Variants in DOK6 observed in about 807,000 individuals in gnomAD.
DOK6 encodes the protein downstream of tyrosine kinase 6.
DOK6 carries 22 observed loss-of-function variants against 44.0 expected under a neutral mutation model. The observed-to-expected ratio is 0.50, with a 90% confidence interval of 0.36 to 0.71. The LOEUF (loss-of-function observed/expected upper bound fraction) is 0.71. Ranked by LOEUF, DOK6 falls within the 30% of genes least tolerant of loss-of-function variation. The probability of loss-of-function intolerance (pLI) is 0.00; values close to 1 mark genes in which losing one functional copy is unlikely to be tolerated. For synonymous variants in DOK6, 166 were observed against 145.5 expected, an observed-to-expected ratio of 1.14 and a Z score of -1.01; for missense variants, 340 against 416.4, an observed-to-expected ratio of 0.82 and a Z score of 1.60.
At chr18:69,555,219 A>G (rs1982658443) in intron 1 of DOK6, among the ~76,000 whole-genome samples, 1 of 152,130 alleles carries the variant, frequency 6.6e-6, no homozygotes, top group South Asian at 2.1e-4. Context: ...ATTTTCTTCA[A>G]AAAGCTTTAA....
chr18:69,570,713 G>A (rs1983093764), intron 2 of DOK6, among the ~76,000 whole-genome samples: 2 of 152,102 alleles, frequency 1.3e-5, no homozygotes, highest in African/African-American at 4.8e-5. Context: ...TCAGTGATTT[G>A]GAGGGCAGTG....
chr18:69,597,641 A>G (rs1177375818), intron 2 of DOK6, among the ~76,000 whole-genome samples: 1 of 152,226 alleles, frequency 6.6e-6, no homozygotes, highest in Non-Finnish European at 1.5e-5. Flanking sequence ...CCATGGCTCT[A>G]CGCAGAGCAT....
intron 5 of DOK6, chr18:69,704,928 C>T (rs1046093872): frequency 6.6e-6 from 1 of 150,512 alleles, no homozygotes; most frequent in Non-Finnish European, 1.5e-5. Flanking sequence ...GTTTGGGAGG[C>T]AAGCAGGCAA....
intron 1 of DOK6, among the ~76,000 whole-genome samples, chr18:69,413,340 T>C (rs1978314037): frequency 6.6e-6 from 1 of 152,078 alleles, no homozygotes; most frequent in Non-Finnish European, 1.5e-5. Flanking sequence ...ACTCCTAGCT[T>C]GGACATTAGA....
At chr18:69,773,998 G>A (rs1979966025) in intron 7 of DOK6, among the ~76,000 whole-genome samples, 1 of 149,786 alleles carries the variant, frequency 6.7e-6, no homozygotes, top group African/African-American at 2.4e-5. Flanking sequence ...ATAATTGAAT[G>A]TGGAACTAAC....
At chr18:69,579,254 A>T (rs529105052) in intron 2 of DOK6, among the ~76,000 whole-genome samples, 79 of 152,336 alleles carry the variant, frequency 5.2e-4, no homozygotes, top group African/African-American at 1.8e-3. Flanking sequence ...GGAAGTGGAG[A>T]GAGGAAGAGA....
At chr18:69,773,418 T>A (rs1214436768) in intron 7 of DOK6, among the ~76,000 whole-genome samples, 1 of 151,928 alleles carries the variant, frequency 6.6e-6, no homozygotes, top group Non-Finnish European at 1.5e-5. Flanking sequence ...GTATTCACAA[T>A]AGCCAAGATA....
At chr18:69,741,245 A>G (rs1391889671) in intron 6 of DOK6, among the ~76,000 whole-genome samples, 1 of 152,218 alleles carries the variant, frequency 6.6e-6, no homozygotes, top group Non-Finnish European at 1.5e-5. Context: ...CTTGGCCCAT[A>G]CATGTCAATA....
At chr18:69,780,182 G>A (rs2052064934) in intron 7 of DOK6, among the ~76,000 whole-genome samples, 1 of 152,062 alleles carries the variant, frequency 6.6e-6, no homozygotes, top group Admixed American at 6.6e-5. Flanking sequence ...CGTATTTTTG[G>A]TGCTTCTTAT....
At chr18:69,743,828 A>G (rs74353742) in intron 6 of DOK6, among the ~76,000 whole-genome samples, 1 of 31,934 alleles carries the variant, frequency 3.1e-5, no homozygotes, top group East Asian at 2.0e-3. Context: ...ATTAAAAAAA[A>G]AAAAAAAACA....
At chr18:69,516,422 C>G (rs2144560863) in intron 1 of DOK6, among the ~76,000 whole-genome samples, 1 of 152,226 alleles carries the variant, frequency 6.6e-6, no homozygotes, top group East Asian at 1.9e-4. Flanking sequence ...TGAACTGAGT[C>G]TTAACTTTCA....
At chr18:69,728,292 G>A (rs1035178623) in intron 5 of DOK6, among the ~76,000 whole-genome samples, 8 of 151,368 alleles carry the variant, frequency 5.3e-5, no homozygotes, top group Admixed American at 1.3e-4. Flanking sequence ...AAGAGACATC[G>A]GGATATACAA....
chr18:69,727,735 C>G (rs1215885069), intron 5 of DOK6, among the ~76,000 whole-genome samples: 2 of 152,146 alleles, frequency 1.3e-5, no homozygotes, highest in African/African-American at 4.8e-5. Context: ...GTAGCAGATT[C>G]AAGAATTTAA....
At chr18:69,480,811 G>C (rs917096583) in intron 1 of DOK6, among the ~76,000 whole-genome samples, 1 of 152,112 alleles carries the variant, frequency 6.6e-6, no homozygotes, top group African/African-American at 2.4e-5. Flanking sequence ...ATCCATGTAT[G>C]TGATATTGGT....
intron 1 of DOK6, among the ~76,000 whole-genome samples, chr18:69,424,093 C>T (rs1426895924): frequency 1.3e-5 from 2 of 152,022 alleles, no homozygotes. Context: ...TTCATTTTTA[C>T]TTCTATATAC....
At chr18:69,647,214 A>C (rs1206408501) in intron 3 of DOK6, among the ~76,000 whole-genome samples, 1 of 150,764 alleles carries the variant, frequency 6.6e-6, no homozygotes, top group East Asian at 2.0e-4. Context: ...TCCTGTCTTC[A>C]TTATGTACTC....
chr18:69,426,521 T>C (rs1978640030), intron 1 of DOK6, among the ~76,000 whole-genome samples: 1 of 152,192 alleles, frequency 6.6e-6, no homozygotes, highest in African/African-American at 2.4e-5. Context: ...TCTAATTTTC[T>C]AGGGGAAGAT....
chr18:69,564,380 C>G, intron 1 of DOK6, 107 bp from the exon 2 acceptor site: 1 of 782,838 alleles, frequency 1.3e-6, no homozygotes, highest in Admixed American at 3.2e-5. Context: ...CAATCAAAAA[C>G]AGTTCCTCTC....
At chr18:69,531,074 A>G (rs138670732) in intron 1 of DOK6, among the ~76,000 whole-genome samples, 4,538 of 151,594 alleles carry the variant, frequency 0.03, 78 homozygotes, top group Middle Eastern at 0.048. Flanking sequence ...GACTAGGATT[A>G]CAACCCCTGC....
Sources: gnomAD v4.1 joint callset for allele counts (sites outside exome capture counted in the v4.1 genomes callset) on GRCh38, gnomAD v4.1.1 for gene constraint, MANE v1.5 for transcripts, NCBI Gene and HGNC (gene_info 2026-07-23, HGNC 2026-07-21) for gene names.